Variants in ANK3 observed in about 807,000 individuals in gnomAD.
ANK3 encodes ankyrin 3, also known as ankyrin-3.
Under a neutral mutation model 370.9 loss-of-function variants are expected in ANK3, and 57 were observed. That is an observed-to-expected ratio of 0.15 (90% CI 0.12 to 0.19). ANK3 has a LOEUF of 0.19. ANK3 is among the 10% of genes least tolerant of loss of function. The pLI, the probability that ANK3 is intolerant of heterozygous loss-of-function variation, is 1.00. For synonymous variants in ANK3, 1,929 were observed against 1,946.3 expected, an observed-to-expected ratio of 0.99 and a Z score of 0.23; for missense variants, 4,439 against 5,302.1, an observed-to-expected ratio of 0.84 and a Z score of 5.06.
intron 43 of ANK3, among the ~76,000 whole-genome samples, chr10:60,037,734 A>C (rs111315882): frequency 0.016 from 2,465 of 152,284 alleles, 31 homozygotes; most frequent in Non-Finnish European, 0.024. Context: ...TGCTATTGTG[A>C]ATAGTGCTGC....
chr10:60,144,508 C>T (rs193198055), intron 23 of ANK3, among the ~76,000 whole-genome samples: 42 of 152,268 alleles, frequency 2.8e-4, no homozygotes, highest in Non-Finnish European at 5.6e-4. Context: ...GAATACAAAA[C>T]TCCCCAAATC....
At chr10:60,585,040 A>G (rs938994097) in intron 2 of ANK3, among the ~76,000 whole-genome samples, 1 of 152,184 alleles carries the variant, frequency 6.6e-6, no homozygotes, top group Non-Finnish European at 1.5e-5. Context: ...GTCCTGTTTT[A>G]GTTCTAAAAT....
intron 1 of ANK3, among the ~76,000 whole-genome samples, chr10:60,286,313 A>G (rs75817524): frequency 0.053 from 8,014 of 152,224 alleles, 346 homozygotes; most frequent in Middle Eastern, 0.092. Flanking sequence ...AGTACTTAAG[A>G]GTCTTAGCAC....
At chr10:60,184,459 G>C (rs1321938404) in intron 17 of ANK3, among the ~76,000 whole-genome samples, 2 of 152,214 alleles carry the variant, frequency 1.3e-5, no homozygotes, top group Admixed American at 1.3e-4. Flanking sequence ...TGAGAAGTTA[G>C]AAGTTAAAAG....
intron 7 of ANK3, 28 bp from the exon 8 acceptor site, chr10:60,234,814 T>C (rs1230483430): frequency 1.3e-6 from 2 of 1,502,544 alleles, no homozygotes; most frequent in African/African-American, 1.4e-5. Flanking sequence ...AAGTACAGAT[T>C]TGATATTTTT....
Position 60,347,058 on chromosome 10 carries a change from T to C in ANK3, c.114+42367A>G, listed in dbSNP as rs200460040. Among the ~76,000 whole-genome samples, 3 of 110,530 alleles carry C rather than the reference T, an allele frequency of 2.7e-5. 1 individual carries two copies. Among genetic ancestry groups the C allele is most frequent in the Non-Finnish European group, 4.9e-5 (3 of 61,100 alleles). 72.5% of individuals were successfully genotyped at this position (110,530 alleles called of 152,430 possible). On this transcript the variant is annotated intron_variant, in intron 1 of 43. Coordinates refer to ENST00000280772, the MANE Select transcript of ANK3 (RefSeq NM_020987.5). ...CTGCATTAGCAAGAAATATATGATA[T>C]ATATATATATATATATTGCATTAGT...
intron 1 of ANK3, among the ~76,000 whole-genome samples, chr10:60,640,203 A>C (rs2078612380): frequency 1.3e-5 from 2 of 151,404 alleles, no homozygotes; most frequent in South Asian, 4.2e-4. Flanking sequence ...GAATTCTACG[A>C]GAGGTACAAG....
At chr10:60,696,987 TG>T (rs1330648194) in intron 1 of ANK3, among the ~76,000 whole-genome samples, 3 of 142,288 alleles carry the variant, frequency 2.1e-5, no homozygotes, top group Admixed American at 1.4e-4. Flanking sequence ...ACGACATGAT[TG>T]TTTATCTAGA....
intron 4 of ANK3, among the ~76,000 whole-genome samples, chr10:60,273,345 A>T (rs1438195870): frequency 6.6e-6 from 1 of 152,138 alleles, no homozygotes; most frequent in East Asian, 1.9e-4. Context: ...TTGTTTATTA[A>T]TATATAATTT....
rs1168464283 is a variant in ANK3 at position 60,442,032 on chromosome 10, G to A, written c.97-162393C>T. Among the ~76,000 whole-genome samples the A allele has an allele frequency of 2.6e-5, 4 of 151,554 alleles. No individual in the cohort carries two copies. In the East Asian group the frequency reaches 7.7e-4, roughly 29 times the overall value. ...CCTGCAGACCCCAAAATTCAAGGAT[G>A]CTCACACCCCTGATGTAAAATGATG... On this transcript the variant is annotated intron_variant, in intron 2 of 43. Transcript: ENST00000373827.
intron 1 of ANK3, among the ~76,000 whole-genome samples, chr10:60,689,754 CAAAA>C (rs10676088): frequency 1.8e-5 from 2 of 108,290 alleles, no homozygotes; most frequent in Admixed American, 8.6e-5. Context: ...GACTTCATCT[CAAAA>C]AAAAAAAAAA....
intron 7 of ANK3, among the ~76,000 whole-genome samples, chr10:60,238,689 T>G (rs1210369575): frequency 2.0e-5 from 3 of 151,872 alleles, no homozygotes; most frequent in African/African-American, 7.3e-5. Context: ...TGCCCCAGAC[T>G]CCACCCCAAG....
intron 1 of ANK3, among the ~76,000 whole-genome samples, chr10:60,320,888 T>C (rs2132889108): frequency 6.6e-6 from 1 of 152,144 alleles, no homozygotes; most frequent in East Asian, 1.9e-4. Flanking sequence ...TGATTCAGAC[T>C]CTCTACTGGG....
chr10:60,358,120 AAACAC>A (rs1259341224), intron 1 of ANK3, among the ~76,000 whole-genome samples: 112 of 14,186 alleles, frequency 7.9e-3, no homozygotes, highest in Middle Eastern at 0.062. Flanking sequence ...ACACACACAC[AAACAC>A]ACACACACAC....
At chr10:60,145,931 A>T (rs1434932882) in intron 23 of ANK3, 4 of 720,478 alleles carry the variant, frequency 5.6e-6, no homozygotes, top group Non-Finnish European at 9.9e-6. Flanking sequence ...TCAAAATGGG[A>T]ACTATATTTA....
chr10:60,321,197 C>A (rs10994300), intron 1 of ANK3, among the ~76,000 whole-genome samples: 1 of 151,858 alleles, frequency 6.6e-6, no homozygotes, highest in Admixed American at 6.6e-5. Flanking sequence ...TGAGACCAGC[C>A]TGGCAGCATG....
chr10:60,247,487 G>A (rs922915754), intron 7 of ANK3, among the ~76,000 whole-genome samples: 1 of 152,076 alleles, frequency 6.6e-6, no homozygotes, highest in Non-Finnish European at 1.5e-5. Context: ...CTTGAAAAGT[G>A]AAAAACTTTA....
intron 1 of ANK3, among the ~76,000 whole-genome samples, chr10:60,387,768 A>G (rs916720643): frequency 5.3e-5 from 8 of 152,354 alleles, no homozygotes; most frequent in Middle Eastern, 3.4e-3. Flanking sequence ...CATTGAGTCC[A>G]GAAACTCCCT....
chr10:60,569,518 C>T (rs918182490), intron 2 of ANK3, among the ~76,000 whole-genome samples: 1 of 152,182 alleles, frequency 6.6e-6, no homozygotes, highest in African/African-American at 2.4e-5. Context: ...TGGATACACA[C>T]AGACACCCTC....
Sources: allele counts gnomAD v4.1 joint callset (sites outside exome capture counted in the v4.1 genomes callset), GRCh38; gene constraint gnomAD v4.1.1; transcripts MANE v1.5; gene names NCBI Gene and HGNC (gene_info 2026-07-23, HGNC 2026-07-21).